Variants in ADCY1 observed in about 807,000 individuals in gnomAD.
ADCY1 encodes the protein adenylate cyclase type 1.
In ADCY1, 28 loss-of-function variants were observed where a neutral mutation model predicts 105.4. That is an observed-to-expected ratio of 0.27 (90% CI 0.20 to 0.36). ADCY1 has a LOEUF of 0.36. ADCY1 is among the 10% of genes least tolerant of loss of function. ADCY1 has a pLI of 1.00. For synonymous variants in ADCY1, 655 were observed against 623.8 expected, an observed-to-expected ratio of 1.05 and a Z score of -0.75; for missense variants, 977 against 1,434.2, an observed-to-expected ratio of 0.68 and a Z score of 5.15.
intron 3 of ADCY1, among the ~76,000 whole-genome samples, chr7:45,615,523 C>G (rs894511229): frequency 6.6e-6 from 1 of 152,130 alleles, no homozygotes; most frequent in Non-Finnish European, 1.5e-5. Context: ...TGCTTGTGCC[C>G]AGGAGGTTGA....
chr7:45,696,993 T>A (rs2116241063), intron 14 of ADCY1, among the ~76,000 whole-genome samples: 1 of 152,324 alleles, frequency 6.6e-6, no homozygotes, highest in East Asian at 1.9e-4. Context: ...GGAGGTGGTA[T>A]TGGACCAGGC....
At position 45,596,584 on chromosome 7, in the gene ADCY1, A is replaced by G. The variant is rs527620077; in HGVS notation, c.789+3676A>G. On this transcript the variant is annotated intron_variant, in intron 2 of 19. Transcript: ENST00000297323. ...TGGGTCAATGCACCCTGGTCCTGGGAGCCGATGTGGGCATCACTGGTAGGA... is the reference window on the plus strand; with the variant it reads ...TGGGTCAATGCACCCTGGTCCTGGGGGCCGATGTGGGCATCACTGGTAGGA... Among the ~76,000 whole-genome samples, 276 of 152,194 alleles carry G rather than the reference A, an allele frequency of 1.8e-3. 1 individual carries two copies. Among genetic ancestry groups the G allele is most frequent in the African/African-American group, 6.3e-3 (261 of 41,524 alleles).
intron 3 of ADCY1, 69 bp from the exon 4 acceptor site, chr7:45,622,563 T>C: frequency 9.0e-7 from 1 of 1,108,056 alleles, no homozygotes. Context: ...TGTAAACATC[T>C]GTACATCTCT....
At chr7:45,580,122 A>G (rs1792485606) in intron 1 of ADCY1, among the ~76,000 whole-genome samples, 1 of 152,174 alleles carries the variant, frequency 6.6e-6, no homozygotes, top group South Asian at 2.1e-4. Flanking sequence ...GGTGAGCAGG[A>G]AATGAGTCTA....
chr7:45,716,912 C>G lies in ADCY1; in HGVS notation c.*2917C>G, dbSNP rs1385184262. The G allele has an allele frequency of 6.6e-6, 1 of 152,368 alleles. No homozygotes were observed. Among genetic ancestry groups the G allele is most frequent in the Non-Finnish European group, 1.5e-5 (1 of 68,148 alleles). The allele number at this position is 152,368 out of a possible 1,614,324, so 9.4% of individuals were successfully genotyped here. On this transcript the variant is annotated 3_prime_UTR_variant, in exon 20 of 20. Transcript: ENST00000297323. ...TTAAAGACAAGGGGCCAGGAGCCAA[C>G]ACCAGAGGCCACTCCACAACCCCAG...
chr7:45,610,742 A>AAAG (rs1379988991), intron 3 of ADCY1, among the ~76,000 whole-genome samples: 3 of 45,904 alleles, frequency 6.5e-5, no homozygotes, highest in South Asian at 8.3e-4. Context: ...GGAGGTGGGG[A>AAAG]GGTGATGATG....
Position 45,703,879 on chromosome 7 carries a change from G to A in ADCY1, c.2718+133G>A. On this transcript the variant is annotated intron_variant, in intron 16 of 19. Transcript: ENST00000297323. The surrounding 1 kb of genome is among the most constrained non-coding windows in gnomAD (Gnocchi z 5.9). ...GAGAAAGCAAATCCCGGGAAGCACA[G>A]GCATTCTGTCTCCTTTGGGATCCAG... is the stretch of plus-strand genomic sequence containing the variant. 1 of 1,318,736 alleles carries A rather than the reference G, an allele frequency of 7.6e-7. No homozygotes were observed. The highest frequency in any genetic ancestry group is 1.0e-6 in the Non-Finnish European group (1 of 976,046). The allele number at this position is 1,318,736 out of a possible 1,614,324, so 81.7% of individuals were successfully genotyped here. A position where few individuals can be genotyped will look rare whatever the true frequency, so the allele number is the denominator to read the frequency against.
At chr7:45,648,917 G>A (rs1794741306) in intron 5 of ADCY1, 120 bp downstream of exon 5, 1 of 1,249,940 alleles carries the variant, frequency 8.0e-7, no homozygotes, top group Admixed American at 2.4e-5. Context: ...TTGTCCTGAT[G>A]GGTCTGTCTG....
chr7:45,685,154 C>T, intron 12 of ADCY1, 86 bp downstream of exon 12: 1 of 1,275,372 alleles, frequency 7.8e-7, no homozygotes, highest in Non-Finnish European at 1.1e-6. Flanking sequence ...CCCAGGGCTG[C>T]AGAGACAGGG....
Position 45,574,613 on chromosome 7 carries a change from G to C in ADCY1, c.70G>C (p.Ala24Pro), listed in dbSNP as rs1792267408. The C allele has an allele frequency of 2.6e-6, 3 of 1,156,164 alleles. No individual in the cohort carries two copies. The highest frequency in any genetic ancestry group is 3.3e-5 in the African/African-American group (2 of 61,148). The allele number at this position is 1,156,164 out of a possible 1,614,324, so 71.6% of individuals were successfully genotyped here. Residue 24 changes from alanine to proline, a missense_variant, in exon 1 of 20, where the codon GCG becomes CCG. Ala to Pro is a conservative substitution (Grantham distance 27, BLOSUM62 -1). Around this residue, in one of 7 missense-constraint regions of ADCY1, gnomAD observed 209 missense variants for 222.5 expected, o/e 0.94. Transcript: ENST00000297323. This position sits in a 1 kb window ranked among gnomAD's most constrained non-coding sequence, Gnocchi z 7.0. ...GAGEPGGAER[A>P]AGTSRRRGLR... ...GGGCGAGCCCGGGGGCGCCGAGCGGGCGGCCGGGACAAGCCGCCGGCGCGG... is the reference window on the plus strand; with the variant it reads ...GGGCGAGCCCGGGGGCGCCGAGCGGCCGGCCGGGACAAGCCGCCGGCGCGG...
rs78550347 is a variant in ADCY1 at position 45,615,140 on chromosome 7, C to A, written c.908+4643C>A. Among the ~76,000 whole-genome samples, 940 of 152,244 alleles carry A rather than the reference C, an allele frequency of 6.2e-3. 9 individuals are homozygous for A. The highest frequency in any genetic ancestry group is 0.021 in the African/African-American group (892 of 41,544). On this transcript the variant is annotated intron_variant, in intron 3 of 19. Transcript: ENST00000297323. ...TCATATGTTAAGTCACAGAACAAGT[C>A]CTTACAATTTCAAGAATTATATCAG...
intron 8 of ADCY1, among the ~76,000 whole-genome samples, chr7:45,669,071 C>A (rs1554327962): frequency 6.6e-6 from 1 of 151,942 alleles, no homozygotes; most frequent in Non-Finnish European, 1.5e-5. Flanking sequence ...TTGATCTTTT[C>A]AAAAAAACAG....
intron 1 of ADCY1, among the ~76,000 whole-genome samples, chr7:45,582,895 G>A (rs1376212929): frequency 2.0e-5 from 3 of 152,196 alleles, no homozygotes; most frequent in Non-Finnish European, 4.4e-5. Context: ...GCCTAGCTCT[G>A]GCTTTGTGCT....
intron 3 of ADCY1, among the ~76,000 whole-genome samples, chr7:45,612,769 C>G (rs1375058290): frequency 6.6e-6 from 1 of 152,184 alleles, no homozygotes; most frequent in Non-Finnish European, 1.5e-5. Context: ...CTCTATCTCT[C>G]CCCTGGATCT....
intron 2 of ADCY1, among the ~76,000 whole-genome samples, chr7:45,602,550 T>C (rs2115826351): frequency 6.6e-6 from 1 of 152,338 alleles, no homozygotes; most frequent in Non-Finnish European, 1.5e-5. Flanking sequence ...AATGGAACAA[T>C]TTTGAGTTCT....
At chr7:45,595,721 A>G (rs757041434) in intron 2 of ADCY1, among the ~76,000 whole-genome samples, 9 of 152,132 alleles carry the variant, frequency 5.9e-5, no homozygotes, top group Non-Finnish European at 1.3e-4. Flanking sequence ...ATTTTCTTTC[A>G]TGATTTCCTC....
At chr7:45,637,737 T>A (rs1303961713) in intron 4 of ADCY1, among the ~76,000 whole-genome samples, 1 of 152,176 alleles carries the variant, frequency 6.6e-6, no homozygotes, top group Non-Finnish European at 1.5e-5. Flanking sequence ...AAAAGATAAA[T>A]AAAAGAATTT....
rs368965279 is a variant in ADCY1, at chr7:45,686,085, T to G, written c.2197T>G (p.Cys733Gly). The G allele has an allele frequency of 2.5e-6, 4 of 1,614,044 alleles. No homozygotes were observed. The African/African-American group carries it at 4.0e-5, about 16-fold the overall frequency. ...CGAGTCTACACACCATGCCCTGCTCTGCTGCCTGGTGGGCACCCTCCCGCT... is the reference window on the plus strand; with the variant it reads ...CGAGTCTACACACCATGCCCTGCTCGGCTGCCTGGTGGGCACCCTCCCGCT... ...PCESTHHALLCCLVGTLPLAI... is the reference protein window; with the variant it reads ...PCESTHHALLGCLVGTLPLAI... The change falls in exon 13 of 20, where the codon TGC (cysteine) becomes GGC (glycine). Residue 733 changes from cysteine to glycine, a missense_variant. Coordinates refer to ENST00000297323, the MANE Select transcript of ADCY1 (RefSeq NM_021116.4). This position sits in a 1 kb window ranked among gnomAD's most constrained non-coding sequence, Gnocchi z 4.3.
In ADCY1 at chr7:45,599,632, GT is replaced by G. The variant is rs113156682; in HGVS notation, c.789+6736del. On this transcript the variant is annotated intron_variant, in intron 2 of 19. Coordinates refer to ENST00000297323, the MANE Select transcript of ADCY1 (RefSeq NM_021116.4). ...GGGTACCCAGTTGTTTGCCATATCTGTTTTTTTTTTTTGAGGCAGAGTCTCA... is the reference window on the plus strand; with the variant it reads ...GGGTACCCAGTTGTTTGCCATATCTGTTTTTTTTTTTGAGGCAGAGTCTCA... Among the ~76,000 whole-genome samples the G allele has an allele frequency of 4.6e-3, 658 of 141,728 alleles. 3 individuals are homozygous for G. The highest frequency in any genetic ancestry group is 0.018 in the Middle Eastern group (5 of 274). 93.0% of individuals were successfully genotyped at this position (141,728 alleles called of 152,430 possible).
Sources: allele counts gnomAD v4.1 joint callset (sites outside exome capture counted in the v4.1 genomes callset), GRCh38; gene constraint gnomAD v4.1.1; regional missense constraint gnomAD v4.1.1; non-coding constraint Gnocchi (gnomAD v3.1); transcripts MANE v1.5; gene names NCBI Gene and HGNC (gene_info 2026-07-23, HGNC 2026-07-21).